Variants in MGAT4A observed in about 807,000 individuals in gnomAD.
MGAT4A encodes N-acetylglucosaminyltransferase IVa.
A neutral mutation model predicts 74.1 loss-of-function variants in MGAT4A; 33 were observed. The observed-to-expected ratio is 0.45, with a 90% CI of 0.34 to 0.60. The LOEUF is 0.60. MGAT4A is among the 20% of genes least tolerant of loss of function. MGAT4A has a pLI of 0.02. For synonymous variants in MGAT4A, 198 were observed against 210.4 expected (o/e 0.94, Z 0.51); for missense variants, 479 against 628.3 (o/e 0.76, Z 2.54).
chr2:98,689,292 T>C (rs1256031771), intron 2 of MGAT4A, among the ~76,000 whole-genome samples: 3 of 152,340 alleles, frequency 2.0e-5, no homozygotes, highest in Non-Finnish European at 4.4e-5. Flanking sequence ...AGCAAAGACA[T>C]CTGACAACTG....
At chr2:98,725,238 A>C (rs923961442) in intron 2 of MGAT4A, among the ~76,000 whole-genome samples, 4 of 152,236 alleles carry the variant, frequency 2.6e-5, no homozygotes, top group Non-Finnish European at 5.9e-5. Context: ...AGCCCAACTC[A>C]GAGAAAGACA....
At chr2:98,720,420 G>A (rs1702651293) in intron 2 of MGAT4A, among the ~76,000 whole-genome samples, 1 of 152,204 alleles carries the variant, frequency 6.6e-6, no homozygotes, top group East Asian at 1.9e-4. Flanking sequence ...CATCAGCCCA[G>A]CTGGTCCTCG....
intron 14 of MGAT4A, 57 bp from the exon 15 acceptor site, chr2:98,625,892 T>G: frequency 1.5e-6 from 2 of 1,306,684 alleles, no homozygotes; most frequent in African/African-American, 1.5e-5. Flanking sequence ...ACATAAAATA[T>G]CACTGAGTTA....
At chr2:98,638,094 C>T (rs907071409) in intron 12 of MGAT4A, among the ~76,000 whole-genome samples, 25 of 152,214 alleles carry the variant, frequency 1.6e-4, no homozygotes, top group African/African-American at 5.5e-4. Context: ...TCTCAAAAGT[C>T]AAAGACTAAG....
intron 2 of MGAT4A, among the ~76,000 whole-genome samples, chr2:98,709,652 T>A (rs1484704842): frequency 6.6e-6 from 1 of 152,172 alleles, no homozygotes; most frequent in Non-Finnish European, 1.5e-5. Context: ...ATTTACCTCC[T>A]TTTTCCACAA....
chr2:98,718,241 G>A (rs2104332464), intron 2 of MGAT4A, among the ~76,000 whole-genome samples: 1 of 152,318 alleles, frequency 6.6e-6, no homozygotes, highest in South Asian at 2.1e-4. Context: ...CTGCTTAGCA[G>A]TACTTTACAA....
At chr2:98,698,637 A>G (rs1188142704) in intron 2 of MGAT4A, among the ~76,000 whole-genome samples, 1 of 152,030 alleles carries the variant, frequency 6.6e-6, no homozygotes, top group Non-Finnish European at 1.5e-5. Context: ...CCCTTCAATG[A>G]CTACCTACTT....
At chr2:98,694,735 A>G (rs1225233990) in intron 2 of MGAT4A, 2 of 152,300 alleles carry the variant, frequency 1.3e-5, no homozygotes, top group East Asian at 1.9e-4. Flanking sequence ...AAGGTAGGAG[A>G]ATCACTTGAA....
intron 14 of MGAT4A, among the ~76,000 whole-genome samples, chr2:98,634,381 T>G (rs1483075013): frequency 6.6e-6 from 1 of 152,000 alleles, no homozygotes; most frequent in African/African-American, 2.4e-5. Context: ...GCTAGAGATG[T>G]GGCTGCCCGG....
chr2:98,682,960 C>T (rs529992739), intron 2 of MGAT4A, among the ~76,000 whole-genome samples: 16 of 151,912 alleles, frequency 1.1e-4, no homozygotes, highest in Admixed American at 1.0e-3. Context: ...TGGTGGCGGG[C>T]GCCTGTAGTC....
intron 2 of MGAT4A, among the ~76,000 whole-genome samples, chr2:98,693,935 G>T (rs1488655982): frequency 6.6e-6 from 1 of 152,140 alleles, no homozygotes; most frequent in Non-Finnish European, 1.5e-5. Flanking sequence ...TTAAAACACT[G>T]AAGGAACAAA....
At chr2:98,658,312 T>C (rs375094032) in intron 5 of MGAT4A, 48 bp from the exon 6 acceptor site, 26 of 1,117,108 alleles carry the variant, frequency 2.3e-5, no homozygotes, top group African/African-American at 2.3e-4. Flanking sequence ...TATATTTTTA[T>C]TTAACTGTTA....
chr2:98,695,708 T>G (rs1300484674), intron 2 of MGAT4A, among the ~76,000 whole-genome samples: 1 of 152,200 alleles, frequency 6.6e-6, no homozygotes. Context: ...TAGAAAAGTA[T>G]TAACAGTTTC....
intron 10 of MGAT4A, 123 bp from the exon 11 acceptor site, chr2:98,640,351 T>C: frequency 1.3e-6 from 1 of 757,930 alleles, no homozygotes; most frequent in Non-Finnish European, 2.1e-6. Flanking sequence ...GGGTCATGCC[T>C]ATAATCCCAG....
chr2:98,728,643 G>A (rs1165548914), intron 1 of MGAT4A, among the ~76,000 whole-genome samples: 1 of 152,012 alleles, frequency 6.6e-6, no homozygotes, highest in Non-Finnish European at 1.5e-5. Context: ...AGCTTACTCG[G>A]GAGGCTGAGG....
Position 98,624,958 on chromosome 2 carries a change from T to C in MGAT4A, c.*608A>G. 3 of 985,382 alleles carry C rather than the reference T, an allele frequency of 3.0e-6. No individual in the cohort carries two copies. The highest frequency in any genetic ancestry group is 3.6e-6 in the Non-Finnish European group (3 of 829,536). 61.0% of individuals were successfully genotyped at this position (985,382 alleles called of 1,614,324 possible). The stretch of plus-strand genomic sequence containing the variant: ...AAATCCATCTATAATCAATCTTAAA[T>C]GGCAGTGCATTTGAAAAATGGCATT... On this transcript the variant is annotated 3_prime_UTR_variant, in exon 16 of 16. Coordinates refer to ENST00000393487, the MANE Select transcript of MGAT4A (RefSeq NM_012214.3).
chr2:98,706,104 C>T lies in MGAT4A; in HGVS notation c.94+20135G>A, dbSNP rs530700129. On this transcript the variant is annotated intron_variant, in intron 2 of 15. Coordinates refer to ENST00000393487, the MANE Select transcript of MGAT4A (RefSeq NM_012214.3). ...AACACAGAGGTTTTGATATTGTGCCCTAAATGCTATCCACCATGTATGTAG... is the reference window on the plus strand; with the variant it reads ...AACACAGAGGTTTTGATATTGTGCCTTAAATGCTATCCACCATGTATGTAG... 9.9e-5 allele frequency among the ~76,000 whole-genome samples: 15 copies of T among 152,272 alleles called. No homozygotes were observed. In the South Asian group the frequency reaches 3.1e-3, roughly 32 times the overall value.
At chr2:98,707,031 C>T (rs1218383058) in intron 2 of MGAT4A, among the ~76,000 whole-genome samples, 1 of 152,082 alleles carries the variant, frequency 6.6e-6, no homozygotes. Flanking sequence ...TCCTGGCCAA[C>T]ATGGTAAAAC....
intron 4 of MGAT4A, among the ~76,000 whole-genome samples, chr2:98,666,463 C>T (rs1271094100): frequency 3.3e-5 from 5 of 152,082 alleles, no homozygotes; most frequent in African/African-American, 7.2e-5. Context: ...GAGGCTGAGG[C>T]GGAAGGATCG....
Sources: gnomAD v4.1 joint callset for allele counts (sites outside exome capture counted in the v4.1 genomes callset) on GRCh38, gnomAD v4.1.1 for gene constraint, MANE v1.5 for transcripts, NCBI Gene and HGNC (gene_info 2026-07-23, HGNC 2026-07-21) for gene names.